Variants in ENOX2 observed in about 807,000 individuals in gnomAD.
The protein encoded by ENOX2 is APK1 antigen.
In ENOX2, 36 loss-of-function variants were observed where a neutral mutation model predicts 45.0. The ratio of observed to expected loss-of-function variants is 0.80; its 90% CI spans 0.61 to 1.06. The LOEUF (loss-of-function observed/expected upper bound fraction) is 1.06. Ranked by LOEUF, ENOX2 falls within the 50% of genes least tolerant of loss-of-function variation. The pLI is 0.00. For missense variants in ENOX2, 423 were observed against 462.5 expected (o/e 0.91, Z 0.78); for synonymous variants, 174 against 152.3 (o/e 1.14, Z -1.05).
At chrX:130,716,835 T>G (rs1346747129) in intron 3 of ENOX2, among the ~76,000 whole-genome samples, 6 of 112,572 alleles carry the variant, frequency 5.3e-5, no homozygotes, top group Non-Finnish European at 9.4e-5. Context: ...CAAACACATG[T>G]GAGTTATTAA....
chrX:130,623,674 T>C lies in ENOX2; in HGVS notation c.*1640A>G, dbSNP rs1024225717. On this transcript the variant is annotated 3_prime_UTR_variant, in exon 15 of 15. Coordinates refer to ENST00000394363, the MANE Select transcript of ENOX2 (RefSeq NM_006375.4). The stretch of plus-strand genomic sequence containing the variant: ...GTAGCATTGATGAGAGATGCATCAG[T>C]GAGCAAGCTAGTGTAAAATTAACCT... 1 of 111,900 alleles carries C rather than the reference T, an allele frequency of 8.9e-6. No individual in the cohort carries two copies. Among genetic ancestry groups the C allele is most frequent in the Admixed American group, 9.5e-5 (1 of 10,571 alleles). The allele number at this position is 111,900 out of a possible 1,213,427, so 9.2% of individuals were successfully genotyped here.
At chrX:130,800,105 A>C (rs2077193434) in intron 2 of ENOX2, among the ~76,000 whole-genome samples, 1 of 111,108 alleles carries the variant, frequency 9.0e-6, no homozygotes, top group Non-Finnish European at 1.9e-5. Flanking sequence ...AAGTATGCCC[A>C]GTATGGTAGG....
chrX:130,664,896 C>T (rs2148113000), intron 9 of ENOX2, among the ~76,000 whole-genome samples: 1 of 112,082 alleles, frequency 8.9e-6, no homozygotes, highest in South Asian at 3.7e-4. Flanking sequence ...GCAAAGAGGA[C>T]CAGAAATGTA....
intron 2 of ENOX2, among the ~76,000 whole-genome samples, chrX:130,851,991 T>A: frequency 8.9e-6 from 1 of 112,156 alleles, no homozygotes; most frequent in Admixed American, 9.4e-5. Context: ...CTTTTCCAAT[T>A]TTCAATTTAC....
intron 3 of ENOX2, among the ~76,000 whole-genome samples, chrX:130,710,746 C>T (rs758054899): frequency 2.7e-5 from 3 of 111,735 alleles, no homozygotes; most frequent in Non-Finnish European, 5.6e-5. Flanking sequence ...CTCTCTTATG[C>T]TATCGTGCAA....
Position 130,625,299 on chromosome X carries a change from G to C in ENOX2, c.*15C>G. ...ATATTTATCTTCAGGATCCCAAGTT[G>C]TTAGGCAAAGAGATTTAGGTCAGCT... is the stretch of plus-strand genomic sequence containing the variant. On this transcript the variant is annotated 3_prime_UTR_variant, in exon 15 of 15. Transcript: ENST00000394363. The C allele has an allele frequency of 8.3e-7, 1 of 1,205,389 alleles. No homozygotes were observed. The highest frequency in any genetic ancestry group is 1.7e-5 in the African/African-American group (1 of 57,575).
chrX:130,874,561 T>C (rs2078657589), intron 2 of ENOX2, among the ~76,000 whole-genome samples: 1 of 111,799 alleles, frequency 8.9e-6, no homozygotes, highest in Non-Finnish European at 1.9e-5. Flanking sequence ...TAAAAGATAA[T>C]ACCCTTTTCA....
chrX:130,822,927 A>G (rs1239821631), intron 2 of ENOX2, among the ~76,000 whole-genome samples: 2 of 112,342 alleles, frequency 1.8e-5, no homozygotes, highest in Non-Finnish European at 3.8e-5. Context: ...TTGCTAGATT[A>G]GGTATATTAA....
At chrX:130,679,139 G>T (rs1423509508) in intron 6 of ENOX2, among the ~76,000 whole-genome samples, 3 of 111,474 alleles carry the variant, frequency 2.7e-5, no homozygotes, top group Non-Finnish European at 3.8e-5. Context: ...AGGAGGGTGT[G>T]CTTGAGCTGG....
intron 5 of ENOX2, among the ~76,000 whole-genome samples, chrX:130,687,594 A>G (rs1044876302): frequency 8.9e-6 from 1 of 112,459 alleles, no homozygotes; most frequent in South Asian, 3.7e-4. Context: ...TGAGCTGGCA[A>G]GTAAGGCCTG....
At chrX:130,638,548 G>T (rs1481439381) in intron 10 of ENOX2, among the ~76,000 whole-genome samples, 2 of 110,688 alleles carry the variant, frequency 1.8e-5, no homozygotes, top group Non-Finnish European at 3.8e-5. Context: ...TTTCCAGTCT[G>T]GCATGTAAGG....
At chrX:130,631,803 C>A (rs1203739538) in intron 12 of ENOX2, among the ~76,000 whole-genome samples, 1 of 107,882 alleles carries the variant, frequency 9.3e-6, no homozygotes, top group Non-Finnish European at 1.9e-5. Context: ...TTACCTTCAC[C>A]AGTTTTTTTT....
At chrX:130,663,921 G>A (rs2036765490) in intron 9 of ENOX2, among the ~76,000 whole-genome samples, 1 of 111,898 alleles carries the variant, frequency 8.9e-6, no homozygotes, top group African/African-American at 3.3e-5. Context: ...GCTTGAGATG[G>A]AGAAAGTGAT....
In ENOX2 at chrX:130,731,379, G is replaced by A. The variant is rs963151504; in HGVS notation, c.-38-28125C>T. Among the ~76,000 whole-genome samples, 7 of 111,878 alleles carry A rather than the reference G, an allele frequency of 6.3e-5. 1 individual carries two copies. The highest frequency in any genetic ancestry group is 2.3e-4 in the African/African-American group (7 of 30,769). On this transcript the variant is annotated intron_variant, in intron 3 of 14. Coordinates refer to ENST00000394363, the MANE Select transcript of ENOX2 (RefSeq NM_006375.4). ...CTCTTTTGCTAGTTTTGGAGATGTG[G>A]ATAGAGGAGGTGTTGCCAGGGGTAA... is the stretch of plus-strand genomic sequence containing the variant.
At chrX:130,879,806 G>C (rs2078775177) in intron 2 of ENOX2, among the ~76,000 whole-genome samples, 1 of 111,888 alleles carries the variant, frequency 8.9e-6, no homozygotes, top group Non-Finnish European at 1.9e-5. Context: ...TTTTTTTACT[G>C]AAAGCAGAAA....
At chrX:130,799,776 A>C (rs1244049836) in intron 2 of ENOX2, among the ~76,000 whole-genome samples, 1 of 111,738 alleles carries the variant, frequency 8.9e-6, no homozygotes, top group Admixed American at 9.5e-5. Context: ...GAGAGCAGGG[A>C]GAACAGGGAG....
chrX:130,749,519 T>G (rs756521294), intron 3 of ENOX2, among the ~76,000 whole-genome samples: 10 of 111,742 alleles, frequency 8.9e-5, no homozygotes, highest in Non-Finnish European at 1.7e-4. Context: ...TCCACAGTAC[T>G]GACAGGGGAC....
At chrX:130,893,806 A>G (rs867549522) in intron 2 of ENOX2, among the ~76,000 whole-genome samples, 7 of 111,846 alleles carry the variant, frequency 6.3e-5, no homozygotes, top group Non-Finnish European at 1.1e-4. Context: ...TTATTTTTCA[A>G]ATAGCCACTT....
intron 3 of ENOX2, among the ~76,000 whole-genome samples, chrX:130,718,927 T>G (rs899996431): frequency 5.3e-4 from 59 of 111,907 alleles, no homozygotes; most frequent in African/African-American, 1.8e-3. Flanking sequence ...ACATTTTCTC[T>G]TCCTAATCAT....
Sources: gnomAD v4.1 joint callset for allele counts (sites outside exome capture counted in the v4.1 genomes callset) on GRCh38, gnomAD v4.1.1 for gene constraint, MANE v1.5 for transcripts, NCBI Gene and HGNC (gene_info 2026-07-23, HGNC 2026-07-21) for gene names.